The following CNBD1 variants were observed in gnomAD, a reference collection of about 807,000 sequenced individuals.
CNBD1 encodes the protein cyclic nucleotide-binding domain-containing protein 1.
In CNBD1, 71 loss-of-function variants were observed where a neutral mutation model predicts 54.4. That is an observed-to-expected ratio of 1.30 (90% CI 1.08 to 1.59). The LOEUF is 1.59. Among genes scored for constraint, CNBD1 ranks in the 40% most tolerant of loss-of-function variants. The probability of loss-of-function intolerance (pLI) is 0.00; values close to 1 mark genes in which losing one functional copy is unlikely to be tolerated. For missense variants in CNBD1, 659 were observed against 518.0 expected (o/e 1.27, Z -2.64); for synonymous variants, 182 against 170.7 (o/e 1.07, Z -0.51).
chr8:86,988,526 A>G (rs776820377), intron 4 of CNBD1, among the ~76,000 whole-genome samples: 17 of 152,130 alleles, frequency 1.1e-4, no homozygotes, highest in Non-Finnish European at 2.5e-4. Context: ...TCTGTGTTAC[A>G]AACCATCCAA....
At chr8:86,937,072 A>G (rs1742848121) in intron 3 of CNBD1, among the ~76,000 whole-genome samples, 1 of 152,200 alleles carries the variant, frequency 6.6e-6, no homozygotes, top group Non-Finnish European at 1.5e-5. Context: ...TTTATAAAGG[A>G]AAGAGGTTTA....
intron 2 of CNBD1, among the ~76,000 whole-genome samples, chr8:87,404,851 A>T (rs1807626961): frequency 6.6e-6 from 1 of 151,990 alleles, no homozygotes; most frequent in African/African-American, 2.4e-5. Context: ...GTTTTGCAAA[A>T]CTTTCTGAAA....
intron 4 of CNBD1, among the ~76,000 whole-genome samples, chr8:87,196,132 G>A (rs1813718466): frequency 6.6e-6 from 1 of 152,122 alleles, no homozygotes; most frequent in South Asian, 2.1e-4. Context: ...AATTTGGGGT[G>A]GAGTAACTCT....
chr8:87,368,996 C>T (rs1417648362), intron 10 of CNBD1, among the ~76,000 whole-genome samples: 2 of 151,990 alleles, frequency 1.3e-5, no homozygotes, highest in Non-Finnish European at 2.9e-5. Flanking sequence ...GAATCAAACC[C>T]TAACACTCTG....
At chr8:87,085,288 T>C (rs961663613) in intron 4 of CNBD1, among the ~76,000 whole-genome samples, 1 of 152,196 alleles carries the variant, frequency 6.6e-6, no homozygotes, top group Admixed American at 6.5e-5. Context: ...ATTCTTCCTA[T>C]TGCCTTGTCT....
At chr8:87,393,333 C>T (rs954204471) in intron 2 of CNBD1, among the ~76,000 whole-genome samples, 1 of 151,878 alleles carries the variant, frequency 6.6e-6, no homozygotes, top group African/African-American at 2.4e-5. Context: ...CCTCCAGAAA[C>T]AGTCCATCTG....
At chr8:87,134,239 T>A (rs1812179216) in intron 4 of CNBD1, among the ~76,000 whole-genome samples, 3 of 152,108 alleles carry the variant, frequency 2.0e-5, no homozygotes, top group Admixed American at 2.0e-4. Context: ...ATATTATTCA[T>A]CAATGCACAA....
Position 87,206,128 on chromosome 8 carries a change from A to G in CNBD1, c.567A>G (p.Lys189=). ...SKTVFSETWL[K]GSTVVANDGF... ...CTGTCTTTTCCGAAACCTGGTTGAA[A>G]GGCAGCACAGGTAATAGACTAATGT... The change falls in exon 5 of 11, where the codon AAA becomes AAG. Residue 189 remains lysine (K), a synonymous_variant. Coordinates refer to ENST00000518476, the MANE Select transcript of CNBD1 (RefSeq NM_173538.3). 2 of 1,587,466 alleles carry G rather than the reference A, an allele frequency of 1.3e-6. No individual in the cohort carries two copies. The highest frequency in any genetic ancestry group is 1.7e-6 in the Non-Finnish European group (2 of 1,169,268).
chr8:87,415,112 C>T (rs1027676350), intron 2 of CNBD1, among the ~76,000 whole-genome samples: 1 of 152,022 alleles, frequency 6.6e-6, no homozygotes, highest in Admixed American at 6.6e-5. Flanking sequence ...CTGAGTGTAT[C>T]CCCAAAGGTG....
intron 8 of CNBD1, among the ~76,000 whole-genome samples, chr8:87,318,468 A>T (rs1809447923): frequency 6.6e-6 from 1 of 152,196 alleles, no homozygotes; most frequent in East Asian, 1.9e-4. Context: ...ACTGTTCTGC[A>T]TACTCTGTCC....
chr8:87,043,344 G>T (rs1040360820), intron 4 of CNBD1, among the ~76,000 whole-genome samples: 1 of 152,094 alleles, frequency 6.6e-6, no homozygotes, highest in Admixed American at 6.5e-5. Flanking sequence ...TATCTATAAA[G>T]TCTGATATAA....
At chr8:86,943,557 C>A (rs1212791995) in intron 4 of CNBD1, among the ~76,000 whole-genome samples, 1 of 151,692 alleles carries the variant, frequency 6.6e-6, no homozygotes, top group Non-Finnish European at 1.5e-5. Flanking sequence ...ACATTAAAAT[C>A]ATTGGGAGAG....
chr8:87,383,928 T>C (rs1463441222), downstream of CNBD1, among the ~76,000 whole-genome samples: 6 of 152,154 alleles, frequency 3.9e-5, no homozygotes, highest in Non-Finnish European at 7.4e-5. Context: ...TCAGTGATTA[T>C]CTGATTTTAG....
At chr8:87,342,201 A>C (rs1317311238) in intron 8 of CNBD1, among the ~76,000 whole-genome samples, 1 of 151,800 alleles carries the variant, frequency 6.6e-6, no homozygotes, top group Non-Finnish European at 1.5e-5. Context: ...AGAACCCAGG[A>C]GGCAGAGCTT....
chr8:87,421,904 G>A lies in CNBD1; in HGVS notation c.214-6642G>A, dbSNP rs1429735549. On this transcript the variant is annotated intron_variant, in intron 2 of 7. Transcript: ENST00000521593. ...ACAGTCCCACCAACAGTGTAAAAGTGTTCCTATTTCTCCACATCCTCTCCA... is the reference window on the plus strand; with the variant it reads ...ACAGTCCCACCAACAGTGTAAAAGTATTCCTATTTCTCCACATCCTCTCCA... Among the ~76,000 whole-genome samples the A allele has an allele frequency of 8.5e-3, 1,249 of 146,096 alleles. 14 individuals are homozygous for A. Among genetic ancestry groups the A allele is most frequent in the African/African-American group, 0.029 (1,106 of 37,914 alleles).
intron 4 of CNBD1, among the ~76,000 whole-genome samples, chr8:87,137,164 TTATA>T (rs1202142290): frequency 7.1e-6 from 1 of 141,842 alleles, no homozygotes; most frequent in Non-Finnish European, 1.5e-5. Flanking sequence ...TCTATATAAA[TTATA>T]TATATTATAT....
At chr8:87,269,553 A>G (rs917461730) in intron 6 of CNBD1, among the ~76,000 whole-genome samples, 1 of 152,148 alleles carries the variant, frequency 6.6e-6, no homozygotes, top group African/African-American at 2.4e-5. Flanking sequence ...ATCCACGAGC[A>G]TGGAATATTT....
chr8:87,338,453 T>A (rs1396970866), intron 8 of CNBD1, among the ~76,000 whole-genome samples: 2 of 151,914 alleles, frequency 1.3e-5, no homozygotes, highest in Middle Eastern at 3.2e-3. Flanking sequence ...AATTCAAGGT[T>A]GGTGATTTTG....
At chr8:87,331,861 C>A (rs1216045968) in intron 8 of CNBD1, among the ~76,000 whole-genome samples, 1 of 152,054 alleles carries the variant, frequency 6.6e-6, no homozygotes, top group East Asian at 1.9e-4. Context: ...TAAATGTCTT[C>A]TTTTGAGAAG....
Sources: allele counts gnomAD v4.1 joint callset (sites outside exome capture counted in the v4.1 genomes callset), GRCh38; gene constraint gnomAD v4.1.1; transcripts MANE v1.5; gene names NCBI Gene and HGNC (gene_info 2026-07-23, HGNC 2026-07-21).